PRRG1: variants seen among roughly 807,000 people sequenced by gnomAD.
PRRG1 encodes the protein proline rich and Gla domain 1, also known as transmembrane gamma-carboxyglutamic acid protein 1.
A neutral mutation model predicts 11.8 loss-of-function variants in PRRG1; 5 were observed. The observed-to-expected ratio is 0.42, with a 90% CI of 0.22 to 0.89. The LOEUF (loss-of-function observed/expected upper bound fraction) is 0.89. Ranked by LOEUF, PRRG1 falls within the 40% of genes least tolerant of loss-of-function variation. The probability of loss-of-function intolerance (pLI) is 0.28; values close to 1 mark genes in which losing one functional copy is unlikely to be tolerated. For missense variants in PRRG1, 155 were observed against 166.1 expected, an observed-to-expected ratio of 0.93 and a Z score of 0.37; for synonymous variants, 66 against 60.4, an observed-to-expected ratio of 1.09 and a Z score of -0.43.
intron 3 of PRRG1, among the ~76,000 whole-genome samples, chrX:37,443,616 C>A (rs1005977105): frequency 2.6e-4 from 29 of 111,666 alleles, no homozygotes; most frequent in African/African-American, 9.5e-4. Context: ...CAGACCATGG[C>A]CCCCAGTGTC....
intron 3 of PRRG1, chrX:37,441,598 A>G (rs781827340): frequency 5.8e-5 from 46 of 788,750 alleles, no homozygotes; most frequent in Non-Finnish European, 6.6e-5. Context: ...CAACCACGTC[A>G]ACCTGGAGTT....
chrX:37,421,793 T>C, intron 2 of PRRG1, among the ~76,000 whole-genome samples: 1 of 112,442 alleles, frequency 8.9e-6, no homozygotes, highest in East Asian at 2.8e-4. Context: ...AATACTTTGA[T>C]GAGCACTGGC....
At chrX:37,391,011 G>C (rs1353851795) in intron 1 of PRRG1, among the ~76,000 whole-genome samples, 1 of 111,921 alleles carries the variant, frequency 8.9e-6, no homozygotes, top group Non-Finnish European at 1.9e-5. Context: ...CCACCCCCAA[G>C]GGCCTCCTGA....
intron 1 of PRRG1, among the ~76,000 whole-genome samples, chrX:37,388,159 G>T (rs1429455660): frequency 1.8e-5 from 2 of 112,053 alleles, no homozygotes; most frequent in Non-Finnish European, 3.8e-5. Flanking sequence ...CTCTGGCTTT[G>T]CAGGGTTCAG....
At chrX:37,426,578 G>A (rs1287301380) in intron 3 of PRRG1, among the ~76,000 whole-genome samples, 1 of 111,522 alleles carries the variant, frequency 9.0e-6, no homozygotes, top group African/African-American at 3.3e-5. Context: ...TCAGTCCTGG[G>A]CAGCAGGAAA....
chrX:37,396,968 C>T (rs1239591687), intron 1 of PRRG1, among the ~76,000 whole-genome samples: 1 of 111,895 alleles, frequency 8.9e-6, no homozygotes, highest in African/African-American at 3.3e-5. Flanking sequence ...CCAAATGCCC[C>T]CTCGGGGGAA....
chrX:37,414,543 C>G (rs1932435955), intron 2 of PRRG1, among the ~76,000 whole-genome samples: 1 of 112,538 alleles, frequency 8.9e-6, no homozygotes, highest in Non-Finnish European at 1.9e-5. Flanking sequence ...TAAAGGGGCC[C>G]CTGAGGGGCC....
chrX:37,410,340 G>T (rs1932318866), intron 2 of PRRG1, among the ~76,000 whole-genome samples: 1 of 111,892 alleles, frequency 8.9e-6, no homozygotes. Flanking sequence ...GTAATCCACA[G>T]ACTACTAATG....
intron 2 of PRRG1, among the ~76,000 whole-genome samples, chrX:37,406,562 C>T (rs782233773): frequency 9.1e-6 from 1 of 109,380 alleles, no homozygotes; most frequent in East Asian, 2.9e-4. Context: ...TATATATATA[C>T]ACCTTCCCCA....
At chrX:37,390,167 A>C (rs1315177369) in intron 1 of PRRG1, among the ~76,000 whole-genome samples, 1 of 111,205 alleles carries the variant, frequency 9.0e-6, no homozygotes, top group African/African-American at 3.3e-5. Flanking sequence ...GGGGATGGGA[A>C]GCTCCCTCAA....
chrX:37,402,105 T>G (rs1468403425), intron 1 of PRRG1, among the ~76,000 whole-genome samples: 1 of 111,571 alleles, frequency 9.0e-6, no homozygotes, highest in African/African-American at 3.3e-5. Flanking sequence ...AAGCTGCCAA[T>G]GACTTTCTTC....
chrX:37,442,281 A>G, intron 3 of PRRG1: 1 of 717,062 alleles, frequency 1.4e-6, no homozygotes, highest in Non-Finnish European at 1.7e-6. Context: ...GAATCAGGGC[A>G]CATCCCCATG....
intron 1 of PRRG1, among the ~76,000 whole-genome samples, chrX:37,384,901 A>C (rs1350208033): frequency 9.0e-6 from 1 of 111,686 alleles, no homozygotes; most frequent in Non-Finnish European, 1.9e-5. Context: ...AGTAGAGCTG[A>C]ATATAGGCAG....
chrX:37,389,682 A>G (rs1439305753), intron 1 of PRRG1, among the ~76,000 whole-genome samples: 1 of 112,103 alleles, frequency 8.9e-6, no homozygotes, highest in African/African-American at 3.2e-5. Flanking sequence ...AACTGCTCCC[A>G]TGATCCAGTC....
intron 2 of PRRG1, among the ~76,000 whole-genome samples, chrX:37,409,221 TAAGAAA>T (rs1456335805): frequency 1.8e-5 from 2 of 111,867 alleles, no homozygotes; most frequent in African/African-American, 6.5e-5. Flanking sequence ...AAGAAAATCA[TAAGAAA>T]AAGAAAATGT....
In PRRG1 at chrX:37,392,023, T is replaced by C. The variant is rs782749821; in HGVS notation, c.-41-14186T>C. 4.5e-5 allele frequency among the ~76,000 whole-genome samples: 5 copies of C among 110,681 alleles called. No individual in the cohort carries two copies. The South Asian group carries it at 2.0e-3, about 43-fold the overall frequency. On this transcript the variant is annotated intron_variant, in intron 1 of 3. Coordinates refer to ENST00000378628, the MANE Select transcript of PRRG1 (RefSeq NM_001142395.2). ...GACTTGTTGATGTGTGAAAATTCAG[T>C]AAGCCATTTCATTGTATACACCAGG...
intron 1 of PRRG1, among the ~76,000 whole-genome samples, chrX:37,387,078 T>G (rs1039208647): frequency 4.5e-5 from 5 of 111,993 alleles, no homozygotes; most frequent in Non-Finnish European, 9.4e-5. Flanking sequence ...CATAGGCTGT[T>G]TAAGTATTGG....
intron 1 of PRRG1, among the ~76,000 whole-genome samples, chrX:37,369,481 A>G (rs1455266823): frequency 8.9e-6 from 1 of 112,183 alleles, no homozygotes; most frequent in Non-Finnish European, 1.9e-5. Context: ...TTGTGGTAAC[A>G]TCACTTAAAA....
chrX:37,396,738 A>C (rs1385215515), intron 1 of PRRG1, among the ~76,000 whole-genome samples: 1 of 105,016 alleles, frequency 9.5e-6, no homozygotes, highest in Non-Finnish European at 2.0e-5. Context: ...TTGTAAACTC[A>C]AAAAAAAAAA....
Sources: allele counts gnomAD v4.1 joint callset (sites outside exome capture counted in the v4.1 genomes callset), GRCh38; gene constraint gnomAD v4.1.1; transcripts MANE v1.5; gene names NCBI Gene and HGNC (gene_info 2026-07-23, HGNC 2026-07-21).